C6: variants seen among roughly 807,000 people sequenced by gnomAD.
C6 encodes complement component C6.
A neutral mutation model predicts 112.9 loss-of-function variants in C6; 101 were observed. That is an observed-to-expected ratio of 0.89 (90% CI 0.76 to 1.06). The LOEUF is 1.06. C6 is among the 50% of genes least tolerant of loss of function. The pLI is 0.00. For synonymous variants in C6, 431 were observed against 384.1 expected (o/e 1.12, Z -1.43); for missense variants, 1,202 against 1,104.6 (o/e 1.09, Z -1.25).
In C6 at chr5:41,189,367, C is replaced by G. The variant is rs144688391; in HGVS notation, c.588-3159G>C. Reference sequence around the variant, plus strand: ...TTACTCATACTAGTCAAAGTAGGAACAAACCAAATGTTCATTAGCTGATGA... The same window carrying G: ...TTACTCATACTAGTCAAAGTAGGAAGAAACCAAATGTTCATTAGCTGATGA... On this transcript the variant is annotated intron_variant, in intron 5 of 17. Coordinates refer to ENST00000337836, the MANE Select transcript of C6 (RefSeq NM_000065.5). 3.3e-3 allele frequency among the ~76,000 whole-genome samples: 496 copies of G among 152,074 alleles called. 3 individuals carry two copies. The highest frequency in any genetic ancestry group is 5.1e-3 in the Non-Finnish European group (349 of 67,900).
intron 8 of C6, among the ~76,000 whole-genome samples, chr5:41,174,652 C>T (rs1233403727): frequency 6.6e-6 from 1 of 152,098 alleles, no homozygotes; most frequent in Non-Finnish European, 1.5e-5. Flanking sequence ...TAAATCAATG[C>T]ATGCAAATAA....
intron 10 of C6, 101 bp from the exon 11 acceptor site, chr5:41,160,468 T>G (rs1232887998): frequency 1.1e-6 from 1 of 904,492 alleles, no homozygotes; most frequent in African/African-American, 1.6e-5. Context: ...GCCTGAAAAT[T>G]TTACACTTCA....
In C6 at chr5:41,171,410, G is replaced by A. The variant is rs144285469; in HGVS notation, c.1291+815C>T. 2.6e-5 allele frequency among the ~76,000 whole-genome samples: 4 copies of A among 152,146 alleles called. No homozygotes were observed. The East Asian group carries it at 7.7e-4, about 29-fold the overall frequency. On this transcript the variant is annotated intron_variant, in intron 9 of 17. Coordinates refer to ENST00000337836, the MANE Select transcript of C6 (RefSeq NM_000065.5). Reference sequence around the variant, plus strand: ...ACCATGTCACTTAGTCTTCACAACAGTCCTACTGGGCTATAATGTAAAGGC... The same window carrying A: ...ACCATGTCACTTAGTCTTCACAACAATCCTACTGGGCTATAATGTAAAGGC...
intron 17 of C6, among the ~76,000 whole-genome samples, chr5:41,146,118 C>T (rs1349695651): frequency 6.6e-6 from 1 of 152,122 alleles, no homozygotes; most frequent in African/African-American, 2.4e-5. Context: ...AAAAAGGGTG[C>T]CTCATCTTAA....
At chr5:41,228,325 A>G (rs1363140165) in intron 1 of C6, among the ~76,000 whole-genome samples, 1 of 152,036 alleles carries the variant, frequency 6.6e-6, no homozygotes, top group African/African-American at 2.4e-5. Flanking sequence ...CTGCCACTTT[A>G]CCAAATTTGT....
chr5:41,206,985 G>A (rs1182499650), intron 1 of C6, among the ~76,000 whole-genome samples: 4 of 152,140 alleles, frequency 2.6e-5, no homozygotes, highest in African/African-American at 9.7e-5. Flanking sequence ...AGAAAGGTCG[G>A]GTTACCCACA....
intron 7 of C6, among the ~76,000 whole-genome samples, chr5:41,180,885 T>TCCCC (rs1218548823): frequency 6.8e-6 from 1 of 147,894 alleles, no homozygotes; most frequent in Non-Finnish European, 1.5e-5. Context: ...AAAAGGAATA[T>TCCCC]AAGAGGAAAA....
rs1360898676 is a variant in C6, at chr5:41,161,799, T to G, written c.1352A>C (p.Tyr451Ser). The change falls in exon 10 of 18, where the codon TAT (tyrosine) becomes TCT (serine). Residue 451 changes from tyrosine to serine, a missense_variant. Physicochemically the swap from Tyr to Ser is moderately radical, Grantham distance 144. Coordinates refer to ENST00000337836, the MANE Select transcript of C6 (RefSeq NM_000065.5). ...ISLIRGGRSE[Y>S]GAALAWEKGS... ...TTTCTCCCATGCCAAAGCTGCTCCA[T>G]ATTCACTCCTTCCACCTCGAATCAG... 1.2e-6 allele frequency: 2 copies of G among 1,613,546 alleles called. No homozygotes were observed. The highest frequency in any genetic ancestry group is 8.5e-7 in the Non-Finnish European group (1 of 1,179,698).
intron 14 of C6, among the ~76,000 whole-genome samples, chr5:41,154,368 C>T (rs1378218400): frequency 6.6e-6 from 1 of 152,198 alleles, no homozygotes; most frequent in African/African-American, 2.4e-5. Flanking sequence ...GATGGGCATT[C>T]TAATTGACAC....
chr5:41,196,274 G>GGA (rs1750611734), intron 4 of C6, among the ~76,000 whole-genome samples: 1 of 151,586 alleles, frequency 6.6e-6, no homozygotes, highest in Non-Finnish European at 1.5e-5. Context: ...ATCTAGGATG[G>GGA]GAGACTCAAG....
intron 1 of C6, chr5:41,203,825 G>C (rs1175503044): frequency 1.2e-5 from 2 of 160,866 alleles, no homozygotes; most frequent in Admixed American, 1.2e-4. Flanking sequence ...GATAAAATGA[G>C]GCTCAAGGCA....
At position 41,176,554 on chromosome 5, in the gene C6, A is replaced by G; in HGVS notation, c.1089T>C (p.Thr363=). The G allele has an allele frequency of 6.2e-7, 1 of 1,613,932 alleles. No homozygotes were observed. Among genetic ancestry groups the G allele is most frequent in the Non-Finnish European group, 8.5e-7 (1 of 1,179,872 alleles). ...LYSRIFDDFG[T]HYFTSGSLGG... ...CCAGGGAGCCAGAGGTGAAGTAATG[A>G]GTCCCAAAGTCATCGAATATTCGGC... The change falls in exon 8 of 18, where the codon ACT becomes ACC. Residue 363 remains threonine, a synonymous_variant. Transcript: ENST00000337836.
At chr5:41,183,533 G>T (rs1317640673) in intron 6 of C6, among the ~76,000 whole-genome samples, 1 of 152,156 alleles carries the variant, frequency 6.6e-6, no homozygotes, top group South Asian at 2.1e-4. Context: ...CTGTTGGTGA[G>T]AATGTAAATT....
chr5:41,162,526 C>T (rs1308633305), intron 9 of C6, among the ~76,000 whole-genome samples: 2 of 152,194 alleles, frequency 1.3e-5, no homozygotes, highest in Non-Finnish European at 2.9e-5. Flanking sequence ...TATAGCACAA[C>T]TCTTTTATAC....
intron 1 of C6, among the ~76,000 whole-genome samples, chr5:41,204,920 C>T (rs750707465): frequency 5.3e-5 from 8 of 152,006 alleles, no homozygotes; most frequent in African/African-American, 7.2e-5. Context: ...CAGCCCACCT[C>T]GGCCTCCCAA....
upstream of C6, among the ~76,000 whole-genome samples, chr5:41,215,803 A>T (rs934977627): frequency 2.0e-5 from 3 of 152,186 alleles, no homozygotes; most frequent in African/African-American, 4.8e-5. Context: ...TAATAGATTC[A>T]TAGCCAAATG....
intron 4 of C6, among the ~76,000 whole-genome samples, chr5:41,196,802 T>C (rs1398083119): frequency 6.6e-6 from 1 of 152,090 alleles, no homozygotes; most frequent in Non-Finnish European, 1.5e-5. Context: ...ACAAATTCCA[T>C]GTACCCAAAT....
At chr5:41,247,643 G>A (rs916447017) in intron 1 of C6, among the ~76,000 whole-genome samples, 7 of 151,118 alleles carry the variant, frequency 4.6e-5, no homozygotes, top group South Asian at 2.1e-4. Flanking sequence ...GCATGAACCC[G>A]GGAGGTGGAG....
upstream of C6, among the ~76,000 whole-genome samples, chr5:41,213,905 T>C (rs1384599035): frequency 6.6e-6 from 1 of 152,188 alleles, no homozygotes. Flanking sequence ...TAAATGAATT[T>C]AGTATGATTT....
Sources: gnomAD v4.1 joint callset for allele counts (sites outside exome capture counted in the v4.1 genomes callset) on GRCh38, gnomAD v4.1.1 for gene constraint, MANE v1.5 for transcripts, NCBI Gene and HGNC (gene_info 2026-07-23, HGNC 2026-07-21) for gene names.